Variants in MAP3K19 observed in about 807,000 individuals in gnomAD.
MAP3K19 encodes the protein SPS1/STE20-related protein kinase YSK4.
Under a neutral mutation model 114.4 loss-of-function variants are expected in MAP3K19, and 91 were observed. The observed-to-expected ratio is 0.80, with a 90% CI of 0.67 to 0.95. MAP3K19 has a LOEUF of 0.95. Among genes scored for constraint, MAP3K19 ranks in the 40% least tolerant of loss-of-function variants. The pLI is 0.00. For synonymous variants in MAP3K19, 518 were observed against 530.5 expected, an observed-to-expected ratio of 0.98 and a Z score of 0.32; for missense variants, 1,471 against 1,573.2, an observed-to-expected ratio of 0.94 and a Z score of 1.10.
At chr2:134,994,246 A>G (rs925812790) in intron 8 of MAP3K19, among the ~76,000 whole-genome samples, 8 of 152,262 alleles carry the variant, frequency 5.3e-5, no homozygotes, top group African/African-American at 1.9e-4. Flanking sequence ...TTGAGTTGTC[A>G]GCTTTCTGTG....
At chr2:135,017,111 A>G (rs11903663) in intron 5 of MAP3K19, among the ~76,000 whole-genome samples, 37,917 of 151,992 alleles carry the variant, frequency 0.25, 6,129 homozygotes, top group African/African-American at 0.43. Flanking sequence ...CAAATACCTG[A>G]TAACCCTTGG....
chr2:135,030,775 G>T (rs564084221), intron 2 of MAP3K19, among the ~76,000 whole-genome samples: 1 of 152,244 alleles, frequency 6.6e-6, no homozygotes, highest in South Asian at 2.1e-4. Flanking sequence ...AAAACCAAAG[G>T]GAGCAGGCAT....
At chr2:134,979,534 A>T (rs1684475761) in intron 12 of MAP3K19, among the ~76,000 whole-genome samples, 1 of 152,056 alleles carries the variant, frequency 6.6e-6, no homozygotes, top group Non-Finnish European at 1.5e-5. Context: ...TGAGTCAATA[A>T]TATAGGTAAT....
At chr2:134,997,091 C>T (rs746284749) in intron 8 of MAP3K19, among the ~76,000 whole-genome samples, 6 of 152,002 alleles carry the variant, frequency 3.9e-5, no homozygotes, top group Admixed American at 6.6e-5. Flanking sequence ...AACAAAAAAA[C>T]GCTATCAAGA....
intron 1 of MAP3K19, among the ~76,000 whole-genome samples, chr2:135,046,119 ACAGAGT>A (rs770582682): frequency 3.4e-4 from 51 of 152,212 alleles, no homozygotes; most frequent in Admixed American, 1.1e-3. Context: ...TTTTGTAGAG[ACAGAGT>A]CTCACTATGT....
At chr2:135,005,638 C>T in intron 5 of MAP3K19, 107 bp from the exon 6 acceptor site, 2 of 791,454 alleles carry the variant, frequency 2.5e-6, no homozygotes, top group Non-Finnish European at 4.2e-6. Flanking sequence ...ACCATGGATT[C>T]CTTTTAAATT....
chr2:135,015,398 C>T (rs1017482316), intron 5 of MAP3K19, among the ~76,000 whole-genome samples: 1 of 152,046 alleles, frequency 6.6e-6, no homozygotes, highest in African/African-American at 2.4e-5. Context: ...CCTATCTGTT[C>T]CTAATTTGTG....
chr2:135,013,637 T>C (rs1282757958), intron 5 of MAP3K19, among the ~76,000 whole-genome samples: 3 of 152,198 alleles, frequency 2.0e-5, no homozygotes, highest in Admixed American at 6.5e-5. Flanking sequence ...TTTATTTTAT[T>C]TACTTTCTTA....
At chr2:135,044,150 G>A (rs2104802842) in intron 1 of MAP3K19, among the ~76,000 whole-genome samples, 1 of 152,202 alleles carries the variant, frequency 6.6e-6, no homozygotes, top group Admixed American at 6.5e-5. Flanking sequence ...TTTCTAAATG[G>A]TTTACAGGTG....
intron 12 of MAP3K19, among the ~76,000 whole-genome samples, chr2:134,967,867 T>A (rs1354785983): frequency 6.6e-6 from 1 of 151,940 alleles, no homozygotes; most frequent in Non-Finnish European, 1.5e-5. Flanking sequence ...CTTTTTTTTT[T>A]TTTTATTTTT....
intron 12 of MAP3K19, among the ~76,000 whole-genome samples, chr2:134,967,838 C>T (rs1002829455): frequency 2.6e-5 from 4 of 151,802 alleles, no homozygotes; most frequent in African/African-American, 9.7e-5. Context: ...CATACTTTGT[C>T]TCTGTGTCTT....
Position 134,987,681 on chromosome 2 carries a change from G to A in MAP3K19, c.1191C>T (p.Thr397=). The A allele has an allele frequency of 6.2e-7, 1 of 1,613,538 alleles. No homozygotes were observed. The change falls in exon 10 of 13, where the codon ACC becomes ACT. Residue 397 remains threonine, a synonymous_variant. Transcript: ENST00000392915. ...VCTIPSKFQE[T]QHSEITPSQD... ...GGCTTGGAGTTATTTCTGAATGCTG[G>A]GTTTCTTGGAACTTGCTTGGAATGG... is the stretch of plus-strand genomic sequence containing the variant.
intron 12 of MAP3K19, among the ~76,000 whole-genome samples, chr2:134,976,020 T>G (rs1434855681): frequency 1.3e-5 from 2 of 152,184 alleles, no homozygotes; most frequent in Non-Finnish European, 2.9e-5. Context: ...CGCTGCACTG[T>G]TGTTTCTGGG....
chr2:134,977,258 T>TCCA (rs1684305326), intron 12 of MAP3K19, among the ~76,000 whole-genome samples: 1 of 151,256 alleles, frequency 6.6e-6, no homozygotes, highest in Non-Finnish European at 1.5e-5. Flanking sequence ...CACGGTTCAC[T>TCCA]GTGGTCTCAA....
At chr2:134,965,565 A>G (rs537926026) in intron 12 of MAP3K19, among the ~76,000 whole-genome samples, 5 of 152,312 alleles carry the variant, frequency 3.3e-5, no homozygotes, top group Non-Finnish European at 7.4e-5. Context: ...GCAATGGCCT[A>G]TTCCAGAGGC....
chr2:135,040,178 G>A (rs1177809447), intron 2 of MAP3K19, among the ~76,000 whole-genome samples, 185 bp downstream of exon 2: 2 of 152,198 alleles, frequency 1.3e-5, no homozygotes, highest in Non-Finnish European at 2.9e-5. Context: ...TTTGTGGACC[G>A]AGTGAGGAAA....
chr2:135,005,468 C>A lies in MAP3K19; in HGVS notation c.202G>T (p.Gly68Cys). 3.7e-6 allele frequency: 6 copies of A among 1,614,062 alleles called. No homozygotes were observed. Among genetic ancestry groups the A allele is most frequent in the Non-Finnish European group, 5.1e-6 (6 of 1,179,938 alleles). Residue 68 changes from glycine (G) to cysteine (C), a missense_variant, in exon 6 of 13, where the codon GGT (glycine) becomes TGT (cysteine). Coordinates refer to ENST00000392915, the MANE Select transcript of MAP3K19 (RefSeq NM_025052.5). ...CTGGGTTGCCAGTCCTGTCTACCAC[C>A]ACTGGGATCTTCTTCTTCATTAACC... ...TLVNEEEDPS[G>C]GRQDWQPRTE...
At chr2:135,024,857 TG>T in intron 3 of MAP3K19, 116 bp from the exon 4 acceptor site, 1 of 504,130 alleles carries the variant, frequency 2.0e-6, no homozygotes, top group African/African-American at 2.0e-5. Context: ...TTATGTAGTT[TG>T]GGGATAATAA....
intron 3 of MAP3K19, among the ~76,000 whole-genome samples, chr2:135,028,024 C>T (rs1375751449): frequency 6.6e-6 from 1 of 152,152 alleles, no homozygotes; most frequent in African/African-American, 2.4e-5. Context: ...ATACAAAAAA[C>T]TATTTGTTGT....
Sources: gnomAD v4.1 joint callset for allele counts (sites outside exome capture counted in the v4.1 genomes callset) on GRCh38, gnomAD v4.1.1 for gene constraint, MANE v1.5 for transcripts, NCBI Gene and HGNC (gene_info 2026-07-23, HGNC 2026-07-21) for gene names.